The following SRGAP2B variants were observed in gnomAD, a reference collection of about 807,000 sequenced individuals.
SRGAP2B encodes the protein SLIT-ROBO Rho GTPase-activating protein 2B.
In SRGAP2B, 9 loss-of-function variants were observed where a neutral mutation model predicts 22.2. That is an observed-to-expected ratio of 0.41 (90% CI 0.24 to 0.71). The LOEUF (loss-of-function observed/expected upper bound fraction) is 0.71, where lower values mean the gene tolerates loss of function less well. Ranked by LOEUF, SRGAP2B falls within the 30% of genes least tolerant of loss-of-function variation. The pLI is 0.35. For missense variants in SRGAP2B, 114 were observed against 235.8 expected (o/e 0.48, Z 3.38); for synonymous variants, 36 against 87.4 (o/e 0.41, Z 3.28).
intron 2 of SRGAP2B, among the ~76,000 whole-genome samples, chr1:145,088,557 G>A (rs1553635821): frequency 7.6e-6 from 1 of 131,708 alleles, no homozygotes; most frequent in East Asian, 2.1e-4. Context: ...TGGAATATTT[G>A]CATGAACTGT....
chr1:144,966,067 G>T (rs1326560688), intron 3 of SRGAP2B, among the ~76,000 whole-genome samples: 1 of 149,906 alleles, frequency 6.7e-6, no homozygotes, highest in Admixed American at 6.6e-5. Flanking sequence ...AAAACACTCT[G>T]CAGGATATTA....
Position 144,925,681 on chromosome 1 carries a change from A to G in SRGAP2B, c.424-10927T>C, listed in dbSNP as rs1312606566. Among the ~76,000 whole-genome samples the G allele has an allele frequency of 4.7e-4, 69 of 145,338 alleles. 1 individual carries two copies. Among genetic ancestry groups the G allele is most frequent in the African/African-American group, 1.7e-3 (65 of 37,946 alleles). On this transcript the variant is annotated intron_variant, in intron 4 of 9. Transcript: ENST00000612199. ...AAAGAAAAAAAAAGGACAGAAAGAA[A>G]GAAGTGGGGGGGCAGAGAGAGAGAG...
chr1:144,924,523 G>A (rs1385390086), intron 4 of SRGAP2B, among the ~76,000 whole-genome samples: 15 of 150,252 alleles, frequency 1.0e-4, no homozygotes, highest in Non-Finnish European at 2.1e-4. Flanking sequence ...GGCGGATCAC[G>A]AGGTCAGGAG....
intron 3 of SRGAP2B, among the ~76,000 whole-genome samples, chr1:144,981,095 T>C (rs1227650255): frequency 3.3e-5 from 5 of 150,340 alleles, no homozygotes; most frequent in Non-Finnish European, 4.4e-5. Context: ...CTTTTCTTCT[T>C]ATCTTGTAAA....
In SRGAP2B at chr1:144,925,742, A is replaced by AGAAG. The variant is rs1491143373; in HGVS notation, c.424-10989_424-10988insCTTC. On this transcript the variant is annotated intron_variant, in intron 4 of 9. Coordinates refer to ENST00000612199, the Ensembl canonical transcript of SRGAP2B. ...AGAGAGAAAGAAAAGAAAGAAAGAA[A>AGAAG]GAAAGAAAGAAAGAAAGAAAGAAAG... Among the ~76,000 whole-genome samples the AGAAG allele has an allele frequency of 5.4e-5, 7 of 130,136 alleles. No homozygotes were observed. In the East Asian group the frequency reaches 7.4e-4, roughly 14 times the overall value. 85.4% of individuals were successfully genotyped at this position (130,136 alleles called of 152,430 possible).
At chr1:144,959,246 C>T (rs587758570) in intron 3 of SRGAP2B, among the ~76,000 whole-genome samples, 4,200 of 147,542 alleles carry the variant, frequency 0.028, 359 homozygotes, top group African/African-American at 0.1. Flanking sequence ...TCAGTTGTTG[C>T]GATGCCTATT....
rs1358969604 is a variant in SRGAP2B at position 144,999,008 on chromosome 1, A to C, written c.68-3808T>G. 6.0e-5 allele frequency among the ~76,000 whole-genome samples: 9 copies of C among 150,776 alleles called. 2 individuals are homozygous for C. The highest frequency in any genetic ancestry group is 2.0e-4 in the African/African-American group (8 of 40,268). On this transcript the variant is annotated intron_variant, in intron 2 of 9. Transcript: ENST00000612199. Reference sequence around the variant, plus strand: ...ATCAACAAACAAAAGGGCAGAAAGAAGAAAGAGGCAATTTAAAAACATAGA... The same window carrying C: ...ATCAACAAACAAAAGGGCAGAAAGACGAAAGAGGCAATTTAAAAACATAGA...
chr1:144,941,117 A>C (rs1467791135), intron 4 of SRGAP2B, among the ~76,000 whole-genome samples: 5 of 145,944 alleles, frequency 3.4e-5, no homozygotes, highest in Non-Finnish European at 4.5e-5. Flanking sequence ...TCTTGAAAAA[A>C]ACACGTTACT....
Position 144,990,958 on chromosome 1 carries a change from G to A in SRGAP2B, c.260+4050C>T, listed in dbSNP as rs12062693. Among the ~76,000 whole-genome samples, 11 of 150,676 alleles carry A rather than the reference G, an allele frequency of 7.3e-5. 1 individual carries two copies. Among genetic ancestry groups the A allele is most frequent in the South Asian group, 6.3e-4 (3 of 4,794 alleles). On this transcript the variant is annotated intron_variant, in intron 3 of 9. Coordinates refer to ENST00000612199, the Ensembl canonical transcript of SRGAP2B. ...CCACTCCATGGGCTCCTGTGCGGCCGGAGCCTCCCCGACGAGCACCACCCC... is the reference window on the plus strand; with the variant it reads ...CCACTCCATGGGCTCCTGTGCGGCCAGAGCCTCCCCGACGAGCACCACCCC...
chr1:145,075,857 G>A (rs1275979756), intron 2 of SRGAP2B, among the ~76,000 whole-genome samples: 1 of 149,420 alleles, frequency 6.7e-6, no homozygotes, highest in Non-Finnish European at 1.5e-5. Context: ...GGAGGCCAAG[G>A]TGGGAAGATC....
chr1:144,920,705 T>C (rs1445032400), intron 4 of SRGAP2B, among the ~76,000 whole-genome samples: 1 of 150,154 alleles, frequency 6.7e-6, no homozygotes, highest in African/African-American at 2.5e-5. Context: ...TGGCCTTTTC[T>C]ATTTTTTTAT....
At chr1:145,084,023 C>T (rs1653143629) in intron 2 of SRGAP2B, among the ~76,000 whole-genome samples, 1 of 134,828 alleles carries the variant, frequency 7.4e-6, no homozygotes, top group East Asian at 2.2e-4. Context: ...GAAGGAATCC[C>T]AGAAACGTTG....
intron 2 of SRGAP2B, among the ~76,000 whole-genome samples, chr1:145,017,521 G>A (rs1382823268): frequency 6.7e-6 from 1 of 148,976 alleles, no homozygotes; most frequent in African/African-American, 2.5e-5. Flanking sequence ...TTATTAAATG[G>A]CACATTTCTC....
exon 3 of SRGAP2B, chr1:144,995,025 G>C: frequency 6.5e-7 from 1 of 1,540,804 alleles, no homozygotes; most frequent in South Asian, 1.2e-5. Flanking sequence ...GCTGGTCCTT[G>C]GTGCTGCATG....
chr1:144,937,586 T>C (rs1318102899), intron 4 of SRGAP2B, among the ~76,000 whole-genome samples: 1 of 120,192 alleles, frequency 8.3e-6, no homozygotes, highest in African/African-American at 3.4e-5. Context: ...TGAGTCTTCT[T>C]CTCTCTTAAG....
chr1:145,009,420 C>G (rs1299399334), intron 2 of SRGAP2B, among the ~76,000 whole-genome samples: 1 of 147,538 alleles, frequency 6.8e-6, no homozygotes, highest in African/African-American at 2.6e-5. Flanking sequence ...AACCCCGTCT[C>G]TACTAAAAAT....
At chr1:144,908,320 C>T (rs1259302093) in intron 5 of SRGAP2B, among the ~76,000 whole-genome samples, 3 of 150,154 alleles carry the variant, frequency 2.0e-5, no homozygotes, top group Non-Finnish European at 2.9e-5. Flanking sequence ...ACCAAGTCAA[C>T]AAATGAAGTA....
chr1:144,904,998 C>A, intron 7 of SRGAP2B, 93 bp downstream of exon 7: 2 of 644,478 alleles, frequency 3.1e-6, no homozygotes, highest in Non-Finnish European at 5.7e-6. Flanking sequence ...TCAAAATGCA[C>A]CAGATTCCTG....
At chr1:144,976,418 G>GGT (rs1206124130) in intron 3 of SRGAP2B, among the ~76,000 whole-genome samples, 2 of 137,448 alleles carry the variant, frequency 1.5e-5, no homozygotes, top group African/African-American at 3.2e-5. Context: ...GAAGTACATG[G>GGT]GTGTGTGTGT....
Sources: gnomAD v4.1 joint callset for allele counts (sites outside exome capture counted in the v4.1 genomes callset) on GRCh38, gnomAD v4.1.1 for gene constraint, MANE v1.5 for transcripts, NCBI Gene and HGNC (gene_info 2026-07-23, HGNC 2026-07-21) for gene names.